The following CHSY1 variants were observed in gnomAD, a reference collection of about 807,000 sequenced individuals.
CHSY1 encodes the protein chondroitin sulfate synthase 1, also known as N-acetylgalactosaminyl-proteoglycan 3-beta-glucuronosyltransferase 1.
In CHSY1, 13 loss-of-function variants were observed where a neutral mutation model predicts 59.8. The observed-to-expected ratio is 0.22, with a 90% CI of 0.14 to 0.35. The LOEUF is 0.35. Among genes scored for constraint, CHSY1 ranks in the 10% least tolerant of loss-of-function variants. The probability of loss-of-function intolerance (pLI) is 1.00; values close to 1 mark genes in which losing one functional copy is unlikely to be tolerated. For synonymous variants in CHSY1, 459 were observed against 401.2 expected (o/e 1.14, Z -1.72); for missense variants, 947 against 1,030.6 (o/e 0.92, Z 1.11).
intron 2 of CHSY1, among the ~76,000 whole-genome samples, chr15:101,227,888 A>C (rs1367485580): frequency 1.3e-5 from 2 of 152,174 alleles, no homozygotes; most frequent in African/African-American, 4.8e-5. Flanking sequence ...ACTGGTTCTG[A>C]AAAGACACTA....
chr15:101,243,102 T>C (rs747189440), intron 1 of CHSY1, among the ~76,000 whole-genome samples: 3 of 152,122 alleles, frequency 2.0e-5, no homozygotes, highest in Non-Finnish European at 4.4e-5. Context: ...ACTTCAACAA[T>C]GGCCTGGGCA....
intron 1 of CHSY1, among the ~76,000 whole-genome samples, chr15:101,238,528 T>C (rs1596454025): frequency 1.3e-5 from 2 of 152,238 alleles, no homozygotes; most frequent in African/African-American, 4.8e-5. Context: ...AACTGGAAGA[T>C]GCACCATTGT....
chr15:101,235,662 G>A (rs2038934154), intron 1 of CHSY1, 85 bp from the exon 2 acceptor site: 8 of 1,448,108 alleles, frequency 5.5e-6, no homozygotes, highest in South Asian at 2.3e-5. Context: ...ATCTTGTATC[G>A]CCGTGTTCAA....
chr15:101,225,848 T>C (rs2038836270), intron 2 of CHSY1, among the ~76,000 whole-genome samples: 1 of 152,232 alleles, frequency 6.6e-6, no homozygotes, highest in Non-Finnish European at 1.5e-5. Context: ...ACAGCTGTGA[T>C]CTCAATCTCT....
At position 101,177,163 on chromosome 15, in the gene CHSY1, G is replaced by C; in HGVS notation, c.*225C>G. On this transcript the variant is annotated 3_prime_UTR_variant, in exon 3 of 3. Transcript: ENST00000254190. ...GTTTTGTTCATCAGGTACATTTCAA[G>C]TCAAAGTTAAGCAGGTCTGCTACAT... The C allele has an allele frequency of 2.2e-6, 1 of 463,498 alleles. No individual in the cohort carries two copies. The highest frequency in any genetic ancestry group is 3.8e-6 in the Non-Finnish European group (1 of 263,654). 28.7% of individuals were successfully genotyped at this position (463,498 alleles called of 1,614,324 possible).
At chr15:101,250,573 T>TTC (rs758216727) in intron 1 of CHSY1, among the ~76,000 whole-genome samples, 6 of 152,178 alleles carry the variant, frequency 3.9e-5, no homozygotes, top group Non-Finnish European at 7.3e-5. Context: ...TTCCCCAAGG[T>TTC]TCTCTCTCTC....
rs559285745 is a variant in CHSY1 at position 101,211,636 on chromosome 15, C to G, written c.816+23446G>C. ...TCAGTGAATCACAGCTGAATAAATACAAAGACAGTATAACTGGGCACATCA... is the reference window on the plus strand; with the variant it reads ...TCAGTGAATCACAGCTGAATAAATAGAAAGACAGTATAACTGGGCACATCA... On this transcript the variant is annotated intron_variant, in intron 2 of 2. Coordinates refer to ENST00000254190, the MANE Select transcript of CHSY1 (RefSeq NM_014918.5). Among the ~76,000 whole-genome samples the G allele has an allele frequency of 5.3e-5, 8 of 151,940 alleles. No individual in the cohort carries two copies. In the South Asian group the frequency reaches 1.5e-3, roughly 28 times the overall value.
intron 1 of CHSY1, among the ~76,000 whole-genome samples, chr15:101,242,085 A>G (rs747908192): frequency 3.9e-5 from 6 of 152,116 alleles, no homozygotes; most frequent in Non-Finnish European, 7.4e-5. Flanking sequence ...AATATTTTCA[A>G]TCCATGGATG....
chr15:101,189,725 C>T (rs1355707222), intron 2 of CHSY1, among the ~76,000 whole-genome samples: 1 of 152,196 alleles, frequency 6.6e-6, no homozygotes, highest in African/African-American at 2.4e-5. Context: ...GAATCTTATT[C>T]GACATAAAGA....
chr15:101,212,599 C>T (rs914242574), intron 2 of CHSY1, among the ~76,000 whole-genome samples: 6 of 152,140 alleles, frequency 3.9e-5, no homozygotes, highest in Non-Finnish European at 8.8e-5. Flanking sequence ...ACAGTGGTTG[C>T]CTTGAGCTGG....
intron 2 of CHSY1, among the ~76,000 whole-genome samples, chr15:101,200,615 CAG>C (rs1467326842): frequency 6.6e-6 from 1 of 152,166 alleles, no homozygotes; most frequent in Non-Finnish European, 1.5e-5. Flanking sequence ...GGTCAGGGAC[CAG>C]ACTCTTCCAG....
chr15:101,251,143 G>A lies in CHSY1; in HGVS notation c.314C>T (p.Ala105Val), dbSNP rs574999670. ...QKYLQTRAVA[A>V]YRTWSKTIPG... is the part of the protein sequence containing the mutation. Reference sequence around the variant, plus strand: ...CCGGGGAGCAGGGGCTCACCTGTAGGCGGCCACGGCCCGAGTCTGCAGGTA... The same window carrying A: ...CCGGGGAGCAGGGGCTCACCTGTAGACGGCCACGGCCCGAGTCTGCAGGTA... The change falls in exon 1 of 3, where the codon GCC becomes GTC. Residue 105 changes from alanine (A) to valine (V), a missense_variant. Around this residue, in one of 4 missense-constraint regions of CHSY1, gnomAD observed 232 missense variants for 188.5 expected, o/e 1.23. Transcript: ENST00000254190. The A allele has an allele frequency of 1.1e-5, 18 of 1,586,322 alleles. No individual in the cohort carries two copies. The South Asian group carries it at 1.8e-4, about 16-fold the overall frequency.
Position 101,235,510 on chromosome 15 carries a change from G to C in CHSY1, c.388C>G (p.Pro130Ala). The C allele has an allele frequency of 1.2e-6, 2 of 1,613,922 alleles. No homozygotes were observed. Among genetic ancestry groups the C allele is most frequent in the South Asian group, 1.1e-5 (1 of 91,086 alleles). ...FSSEGSDTSV[P>A]IPVVPLRGVD... ...CCCCGTAGTGGCACTACTGGAATTG[G>C]TACAGATGTGTCAGAACCCTCACTT... The change falls in exon 2 of 3, where the codon CCA becomes GCA. Residue 130 changes from proline (P) to alanine (A), a missense_variant. Around this residue, in one of 4 missense-constraint regions of CHSY1, gnomAD observed 232 missense variants for 188.5 expected, o/e 1.23. Transcript: ENST00000254190.
intron 2 of CHSY1, among the ~76,000 whole-genome samples, chr15:101,205,864 A>G (rs1013129890): frequency 1.6e-4 from 25 of 152,108 alleles, no homozygotes; most frequent in African/African-American, 2.7e-4. Context: ...AGGCAGGAGA[A>G]TGGCGTGAAC....
intron 2 of CHSY1, among the ~76,000 whole-genome samples, chr15:101,227,220 A>T (rs1338805534): frequency 6.6e-6 from 1 of 152,228 alleles, no homozygotes; most frequent in Non-Finnish European, 1.5e-5. Flanking sequence ...AGCAGCTTGG[A>T]AGCCATTAGA....
At chr15:101,198,549 G>C (rs1477761562) in intron 2 of CHSY1, among the ~76,000 whole-genome samples, 2 of 152,190 alleles carry the variant, frequency 1.3e-5, no homozygotes, top group Non-Finnish European at 1.5e-5. Context: ...CTTTCCGAGT[G>C]GCATTTTACA....
intron 1 of CHSY1, 106 bp downstream of exon 1, chr15:101,251,031 A>G: frequency 9.1e-7 from 1 of 1,097,854 alleles, no homozygotes. Context: ...CGGAAGCCCA[A>G]GAAGGGCCTA....
intron 2 of CHSY1, chr15:101,187,981 G>C (rs1567089088): frequency 2.0e-6 from 2 of 978,294 alleles, no homozygotes; most frequent in Non-Finnish European, 2.4e-6. Flanking sequence ...CTAATCTTTG[G>C]TTAACAAATA....
chr15:101,237,176 A>T (rs2038952841), intron 1 of CHSY1, among the ~76,000 whole-genome samples: 1 of 148,360 alleles, frequency 6.7e-6, no homozygotes, highest in Non-Finnish European at 1.5e-5. Flanking sequence ...ATGAGCCGAG[A>T]TCGCACCACT....
Sources: allele counts gnomAD v4.1 joint callset (sites outside exome capture counted in the v4.1 genomes callset), GRCh38; gene constraint gnomAD v4.1.1; regional missense constraint gnomAD v4.1.1; transcripts MANE v1.5; gene names NCBI Gene and HGNC (gene_info 2026-07-23, HGNC 2026-07-21).